Variants in RBMS2 observed in about 807,000 individuals in gnomAD.
The protein encoded by RBMS2 is RNA binding motif single stranded interacting protein 2.
In RBMS2, 38 loss-of-function variants were observed where a neutral mutation model predicts 58.4. The ratio of observed to expected loss-of-function variants is 0.65; its 90% CI spans 0.50 to 0.85. The LOEUF (loss-of-function observed/expected upper bound fraction) is 0.85. Among genes scored for constraint, RBMS2 ranks in the 40% least tolerant of loss-of-function variants. RBMS2 has a pLI of 0.00. For synonymous variants in RBMS2, 151 were observed against 180.7 expected (o/e 0.84, Z 1.32); for missense variants, 367 against 503.7 (o/e 0.73, Z 2.60).
At position 56,595,912 on chromosome 12, in the gene RBMS2, TAC is replaced by T. The variant is rs1022245966; in HGVS notation, c.*6783_*6784del. 5.8e-5 allele frequency: 3 copies of T among 51,580 alleles called. No individual in the cohort carries two copies. The highest frequency in any genetic ancestry group is 1.1e-3 in the South Asian group (2 of 1,804). The allele number at this position is 51,580 out of a possible 1,614,324, so 3.2% of individuals were successfully genotyped here. A position where few individuals can be genotyped will look rare whatever the true frequency, so the allele number is the denominator to read the frequency against. On this transcript the variant is annotated 3_prime_UTR_variant, in exon 14 of 14. Coordinates refer to ENST00000262031, the MANE Select transcript of RBMS2 (RefSeq NM_002898.4). ...TCAGGTGTGTAGAAGGGAAGATGAA[TAC>T]ACAGAGTCTTTTGAATCTCTATCAA...
At position 56,587,550 on chromosome 12, in the gene RBMS2, C is replaced by G. The variant is rs1884842615; in HGVS notation, c.952-4C>G. 6.2e-7 allele frequency: 1 copy of G among 1,613,130 alleles called. No homozygotes were observed. The highest frequency in any genetic ancestry group is 8.5e-7 in the Non-Finnish European group (1 of 1,179,536). On this transcript the variant is annotated splice_region_variant and splice_polypyrimidine_tract_variant and intron_variant, in intron 10 of 13. Coordinates refer to ENST00000262031, the MANE Select transcript of RBMS2 (RefSeq NM_002898.4). The stretch of plus-strand genomic sequence containing the variant: ...CTAACCCTGTCCTTTGTTGCTGCCT[C>G]TAGGGTTCAGTTCTGACACCAGGGA...
intron 1 of RBMS2, among the ~76,000 whole-genome samples, chr12:56,556,627 C>T (rs1259376824): frequency 6.6e-6 from 1 of 152,108 alleles, no homozygotes; most frequent in Admixed American, 6.6e-5. Context: ...CCACCCGCCT[C>T]AGCCTCCCAA....
chr12:56,535,457 T>A (rs964641863), intron 1 of RBMS2, among the ~76,000 whole-genome samples: 1 of 141,438 alleles, frequency 7.1e-6, no homozygotes, highest in Non-Finnish European at 1.5e-5. Flanking sequence ...ATTGTGCCAC[T>A]GCACTCCAGC....
intron 1 of RBMS2, among the ~76,000 whole-genome samples, chr12:56,532,890 G>A (rs1002812356): frequency 6.6e-6 from 1 of 151,866 alleles, no homozygotes; most frequent in Non-Finnish European, 1.5e-5. Flanking sequence ...GCTAACCACT[G>A]TCCTAAATTC....
chr12:56,553,950 G>A (rs962743695), intron 1 of RBMS2, among the ~76,000 whole-genome samples: 1 of 150,814 alleles, frequency 6.6e-6, no homozygotes, highest in Non-Finnish European at 1.5e-5. Context: ...CCAGCCTCCC[G>A]AGTAGCTGGG....
At chr12:56,588,754 G>A in intron 12 of RBMS2, 178 bp from the exon 13 acceptor site, 2 of 658,456 alleles carry the variant, frequency 3.0e-6, no homozygotes, top group Non-Finnish European at 5.5e-6. Flanking sequence ...CTTGGGAAGA[G>A]GACAGGCTGT....
At chr12:56,584,667 C>T (rs1449620449) in intron 9 of RBMS2, among the ~76,000 whole-genome samples, 1 of 151,780 alleles carries the variant, frequency 6.6e-6, no homozygotes, top group Admixed American at 6.6e-5. Context: ...CACCTGTAGT[C>T]CCAGCTGCTG....
At chr12:56,539,139 G>A (rs529129468) in intron 1 of RBMS2, among the ~76,000 whole-genome samples, 24 of 151,038 alleles carry the variant, frequency 1.6e-4, no homozygotes, top group Non-Finnish European at 2.9e-4. Flanking sequence ...CCTCAGCCAC[G>A]CAAGTAGCTG....
chr12:56,575,128 G>A (rs1041879550), intron 5 of RBMS2, among the ~76,000 whole-genome samples: 1 of 151,286 alleles, frequency 6.6e-6, no homozygotes, highest in South Asian at 2.1e-4. Flanking sequence ...CAGCCTGGGC[G>A]ACATGCACTT....
chr12:56,542,058 T>TG (rs2136303717), intron 1 of RBMS2, among the ~76,000 whole-genome samples: 1 of 15,660 alleles, frequency 6.4e-5, no homozygotes, highest in Non-Finnish European at 5.1e-4. Flanking sequence ...CTAGTAGATT[T>TG]ATTTTTTTTG....
intron 5 of RBMS2, chr12:56,580,301 C>T (rs538519587): frequency 4.5e-5 from 19 of 421,312 alleles, no homozygotes; most frequent in African/African-American, 3.3e-4. Flanking sequence ...GGCGTGATCT[C>T]GACTCACTAC....
intron 7 of RBMS2, 83 bp from the exon 8 acceptor site, chr12:56,581,750 C>T: frequency 3.3e-6 from 5 of 1,508,694 alleles, no homozygotes; most frequent in Middle Eastern, 1.7e-4. Flanking sequence ...TAAACCAAAA[C>T]ATTCCCAGCC....
chr12:56,557,936 C>T (rs1484834822), intron 1 of RBMS2, among the ~76,000 whole-genome samples: 1 of 149,682 alleles, frequency 6.7e-6, no homozygotes, highest in Non-Finnish European at 1.5e-5. Flanking sequence ...CGGGGTTTCT[C>T]CATGTTGGTC....
intron 1 of RBMS2, among the ~76,000 whole-genome samples, chr12:56,533,681 G>A (rs1266782826): frequency 1.3e-5 from 2 of 151,938 alleles, no homozygotes. Context: ...CTCCCAAAGT[G>A]CTGGGATTAC....
chr12:56,578,459 A>T (rs1883462275), intron 5 of RBMS2, among the ~76,000 whole-genome samples: 1 of 152,166 alleles, frequency 6.6e-6, no homozygotes, highest in South Asian at 2.1e-4. Context: ...ATTTTATTGC[A>T]TATACAGAAG....
At chr12:56,580,528 C>A (rs757736505) in intron 5 of RBMS2, among the ~76,000 whole-genome samples, 4 of 152,116 alleles carry the variant, frequency 2.6e-5, no homozygotes, top group Admixed American at 6.6e-5. Flanking sequence ...CCACCGCACC[C>A]GGCGGATCAG....
intron 1 of RBMS2, among the ~76,000 whole-genome samples, chr12:56,557,180 C>T (rs899825222): frequency 4.6e-5 from 7 of 152,102 alleles, no homozygotes; most frequent in African/African-American, 1.7e-4. Context: ...TTTATTCTTC[C>T]CTTCTCCGGT....
intron 5 of RBMS2, among the ~76,000 whole-genome samples, chr12:56,580,077 G>A (rs1011922913): frequency 6.6e-6 from 1 of 151,590 alleles, no homozygotes; most frequent in African/African-American, 2.4e-5. Context: ...CTACTGGCAC[G>A]CACCACCACA....
At chr12:56,555,926 G>A (rs1283279728) in intron 1 of RBMS2, among the ~76,000 whole-genome samples, 1 of 151,730 alleles carries the variant, frequency 6.6e-6, no homozygotes, top group Non-Finnish European at 1.5e-5. Context: ...TGTGCCTTTA[G>A]TCCTAGCTAC....
Sources: allele counts gnomAD v4.1 joint callset (sites outside exome capture counted in the v4.1 genomes callset), GRCh38; gene constraint gnomAD v4.1.1; transcripts MANE v1.5; gene names NCBI Gene and HGNC (gene_info 2026-07-23, HGNC 2026-07-21).